The following CD44 variants were observed in gnomAD, a reference collection of about 807,000 sequenced individuals.
CD44 encodes the protein CD44 antigen.
In CD44, 49 loss-of-function variants were observed where a neutral mutation model predicts 88.8. That is an observed-to-expected ratio of 0.55 (90% CI 0.44 to 0.70). The LOEUF is 0.70. Ranked by LOEUF, CD44 falls within the 30% of genes least tolerant of loss-of-function variation. The probability of loss-of-function intolerance (pLI) is 0.00; values close to 1 mark genes in which losing one functional copy is unlikely to be tolerated. For synonymous variants in CD44, 325 were observed against 312.3 expected, an observed-to-expected ratio of 1.04 and a Z score of -0.43; for missense variants, 883 against 913.8, an observed-to-expected ratio of 0.97 and a Z score of 0.43.
chr11:35,181,490 G>A (rs1278364898), intron 3 of CD44, among the ~76,000 whole-genome samples: 2 of 151,376 alleles, frequency 1.3e-5, no homozygotes, highest in Non-Finnish European at 2.9e-5. Context: ...CTTAAACTGG[G>A]CCTTCTGTTC....
At chr11:35,212,623 G>A (rs866512487) in intron 14 of CD44, 1 of 152,132 alleles carries the variant, frequency 6.6e-6, no homozygotes, top group Admixed American at 6.5e-5. Flanking sequence ...CTACCCAAGA[G>A]CTTCAAGAAA....
intron 3 of CD44, among the ~76,000 whole-genome samples, chr11:35,183,073 G>T (rs1945310563): frequency 6.6e-6 from 1 of 152,172 alleles, no homozygotes; most frequent in African/African-American, 2.4e-5. Context: ...CAGTTGAAAA[G>T]CTTGAGAAGT....
intron 1 of CD44, 145 bp from the exon 2 acceptor site, chr11:35,176,430 G>A (rs1213936145): frequency 6.8e-6 from 4 of 588,338 alleles, no homozygotes; most frequent in African/African-American, 1.9e-5. Context: ...CACCCACCTC[G>A]GCCTCCCAAA....
At chr11:35,156,236 A>T (rs896693374) in intron 1 of CD44, among the ~76,000 whole-genome samples, 1 of 152,212 alleles carries the variant, frequency 6.6e-6, no homozygotes, top group Admixed American at 6.5e-5. Context: ...AAAAATGAAC[A>T]GGAGGGTTTT....
At chr11:35,141,661 C>A (rs529688924) in intron 1 of CD44, among the ~76,000 whole-genome samples, 54 of 152,328 alleles carry the variant, frequency 3.5e-4, no homozygotes, top group African/African-American at 1.2e-3. Flanking sequence ...CTCCCAGAGA[C>A]CCGCAGTCTC....
intron 17 of CD44, chr11:35,223,450 C>A: frequency 4.8e-6 from 1 of 207,300 alleles, no homozygotes; most frequent in Non-Finnish European, 8.4e-6. Context: ...TTAGGGAGAC[C>A]TCGGAGAAGC....
At chr11:35,226,058 C>A (rs531747880) in intron 17 of CD44, among the ~76,000 whole-genome samples, 4 of 152,278 alleles carry the variant, frequency 2.6e-5, no homozygotes, top group Admixed American at 2.0e-4. Flanking sequence ...CTCTTAAAAG[C>A]ACTTATTAGA....
At chr11:35,158,511 G>C (rs918466420) in intron 1 of CD44, among the ~76,000 whole-genome samples, 1 of 152,186 alleles carries the variant, frequency 6.6e-6, no homozygotes, top group Non-Finnish European at 1.5e-5. Context: ...GGACTGACGC[G>C]ATCACAGACT....
chr11:35,193,047 T>C (rs1319748749), intron 5 of CD44, among the ~76,000 whole-genome samples: 1 of 152,116 alleles, frequency 6.6e-6, no homozygotes, highest in East Asian at 1.9e-4. Flanking sequence ...GAATGTGGTG[T>C]CTGTGGATTT....
chr11:35,208,982 T>C (rs947847842), intron 12 of CD44, among the ~76,000 whole-genome samples: 3 of 152,206 alleles, frequency 2.0e-5, no homozygotes, highest in Admixed American at 6.5e-5. Context: ...GCAATGTAAA[T>C]AGCACAGCGT....
At chr11:35,202,009 A>C (rs1947361259) in intron 9 of CD44, among the ~76,000 whole-genome samples, 1 of 152,204 alleles carries the variant, frequency 6.6e-6, no homozygotes, top group Non-Finnish European at 1.5e-5. Flanking sequence ...ATGTTTTAAG[A>C]AGTAGATCTA....
At chr11:35,176,493 A>C in intron 1 of CD44, 82 bp from the exon 2 acceptor site, 1 of 1,345,636 alleles carries the variant, frequency 7.4e-7, no homozygotes, top group South Asian at 1.4e-5. Flanking sequence ...TGACTTTTTA[A>C]GGAGTCTGTC....
At chr11:35,147,161 T>C (rs1408613063) in intron 1 of CD44, among the ~76,000 whole-genome samples, 3 of 152,216 alleles carry the variant, frequency 2.0e-5, no homozygotes, top group Non-Finnish European at 2.9e-5. Context: ...GGCTGATTAG[T>C]GTTTCTCCAT....
At chr11:35,178,173 C>T (rs1046513284) in intron 2 of CD44, among the ~76,000 whole-genome samples, 4 of 152,174 alleles carry the variant, frequency 2.6e-5, no homozygotes, top group African/African-American at 9.7e-5. Flanking sequence ...CTGACTAGGC[C>T]ACTGGCCTAA....
intron 9 of CD44, among the ~76,000 whole-genome samples, chr11:35,203,468 G>A (rs2134074932): frequency 6.6e-6 from 1 of 152,202 alleles, no homozygotes; most frequent in Admixed American, 6.5e-5. Flanking sequence ...TTTAGTCAGT[G>A]GGAGTTTTGT....
chr11:35,161,058 C>T (rs1207692230), intron 1 of CD44, among the ~76,000 whole-genome samples: 1 of 152,122 alleles, frequency 6.6e-6, no homozygotes, highest in African/African-American at 2.4e-5. Flanking sequence ...GTGGTTGTAA[C>T]CAAGGATACT....
At chr11:35,205,003 A>C (rs1431303983) in intron 10 of CD44, 6 of 167,398 alleles carry the variant, frequency 3.6e-5, no homozygotes, top group Non-Finnish European at 7.8e-5. Flanking sequence ...CAGACTTTAC[A>C]ATATGATTCT....
At chr11:35,189,267 T>C (rs1343266461) in intron 4 of CD44, among the ~76,000 whole-genome samples, 1 of 152,188 alleles carries the variant, frequency 6.6e-6, no homozygotes, top group Non-Finnish European at 1.5e-5. Context: ...TAGCCAGAAG[T>C]GGGTGTTTGC....
intron 13 of CD44, chr11:35,210,642 T>A (rs565642809): frequency 2.0e-5 from 3 of 152,984 alleles, no homozygotes; most frequent in Non-Finnish European, 4.4e-5. Flanking sequence ...TGCTATGATT[T>A]CAGTTCTTTT....
Sources: gnomAD v4.1 joint callset for allele counts (sites outside exome capture counted in the v4.1 genomes callset) on GRCh38, gnomAD v4.1.1 for gene constraint, MANE v1.5 for transcripts, NCBI Gene and HGNC (gene_info 2026-07-23, HGNC 2026-07-21) for gene names.